Variants in EFCAB5 observed in about 807,000 individuals in gnomAD.
EFCAB5 encodes EF-hand calcium-binding domain-containing protein 5.
Under a neutral mutation model 167.9 loss-of-function variants are expected in EFCAB5, and 131 were observed. That is an observed-to-expected ratio of 0.78 (90% CI 0.68 to 0.90). EFCAB5 has a LOEUF of 0.90. Ranked by LOEUF, EFCAB5 falls within the 40% of genes least tolerant of loss-of-function variation. EFCAB5 has a pLI of 0.00. For synonymous variants in EFCAB5, 574 were observed against 602.8 expected (o/e 0.95, Z 0.70); for missense variants, 1,663 against 1,745.2 (o/e 0.95, Z 0.84).
chr17:30,024,468 G>A (rs539552743), intron 7 of EFCAB5, among the ~76,000 whole-genome samples: 7 of 152,198 alleles, frequency 4.6e-5, no homozygotes, highest in East Asian at 1.9e-4. Flanking sequence ...TAGGAATCCA[G>A]CTTACAAGGG....
intron 20 of EFCAB5, 148 bp downstream of exon 20, chr17:30,090,822 TG>T (rs1313326742): frequency 1.8e-6 from 2 of 1,140,624 alleles, no homozygotes; most frequent in African/African-American, 3.1e-5. Context: ...TATGCAGTCT[TG>T]CGCTGACGAG....
intron 7 of EFCAB5, among the ~76,000 whole-genome samples, chr17:30,030,109 C>CT (rs899554282): frequency 1.3e-5 from 2 of 152,136 alleles, no homozygotes; most frequent in Non-Finnish European, 2.9e-5. Flanking sequence ...CGATTTTCAC[C>CT]TTTTTCTGTT....
At chr17:29,956,865 CT>C (rs1387701587) in intron 3 of EFCAB5, among the ~76,000 whole-genome samples, 2 of 151,850 alleles carry the variant, frequency 1.3e-5, no homozygotes, top group African/African-American at 4.8e-5. Context: ...GAGAGGTGGG[CT>C]GGGGAGAGAG....
intron 7 of EFCAB5, among the ~76,000 whole-genome samples, chr17:30,003,193 G>A (rs1238341763): frequency 6.6e-6 from 1 of 151,318 alleles, no homozygotes; most frequent in Non-Finnish European, 1.5e-5. Context: ...TTTCCACACT[G>A]ATGCTAAGCC....
intron 7 of EFCAB5, among the ~76,000 whole-genome samples, chr17:30,002,572 C>T (rs2068685160): frequency 6.6e-6 from 1 of 152,200 alleles, no homozygotes; most frequent in African/African-American, 2.4e-5. Flanking sequence ...GGCACTGTTA[C>T]ACTTTGCTTC....
At position 30,054,115 on chromosome 17, in the gene EFCAB5, G is replaced by T; in HGVS notation, c.2161G>T (p.Val721Phe). The stretch of plus-strand genomic sequence containing the variant: ...CCTGAGTTCTGAACTGCAAGAGGAA[G>T]TTCCAACCTTAAGCAGAAAAGATCA... The part of the protein sequence containing the change: ...IFLSSELQEE[V>F]PTLSRKDHFP... Residue 721 changes from valine (V) to phenylalanine (F), a missense_variant, in exon 10 of 23, where the codon GTT becomes TTT. Transcript: ENST00000394835. 6.4e-7 allele frequency: 1 copy of T among 1,570,590 alleles called. No homozygotes were observed. Among genetic ancestry groups the T allele is most frequent in the Non-Finnish European group, 8.6e-7 (1 of 1,159,028 alleles).
At chr17:30,085,731 A>G (rs868851410) in intron 18 of EFCAB5, among the ~76,000 whole-genome samples, 5 of 152,186 alleles carry the variant, frequency 3.3e-5, no homozygotes, top group African/African-American at 7.2e-5. Context: ...AAAAAAAAAA[A>G]AAAAAAAGAA....
At chr17:29,975,094 C>G (rs1468289509) in intron 4 of EFCAB5, among the ~76,000 whole-genome samples, 2 of 151,772 alleles carry the variant, frequency 1.3e-5, no homozygotes, top group Non-Finnish European at 2.9e-5. Flanking sequence ...AATATAACAA[C>G]CCCTCAGCTT....
intron 14 of EFCAB5, chr17:30,068,796 G>T (rs899624320): frequency 2.9e-6 from 4 of 1,359,892 alleles, no homozygotes; most frequent in Admixed American, 3.4e-5. Flanking sequence ...CCCGCGAAAT[G>T]ATTTCTCACA....
intron 7 of EFCAB5, among the ~76,000 whole-genome samples, chr17:30,013,181 A>G (rs1239800961): frequency 6.6e-6 from 1 of 151,826 alleles, no homozygotes; most frequent in Non-Finnish European, 1.5e-5. Flanking sequence ...AAGCTTTTTG[A>G]TGTGCTGCTG....
At chr17:30,063,065 C>A (rs1013844198) in intron 14 of EFCAB5, among the ~76,000 whole-genome samples, 1 of 152,170 alleles carries the variant, frequency 6.6e-6, no homozygotes, top group African/African-American at 2.4e-5. Flanking sequence ...CCCAAGGAAA[C>A]AGAGCATTGG....
intron 7 of EFCAB5, among the ~76,000 whole-genome samples, chr17:30,024,747 CA>C (rs1226147741): frequency 6.6e-6 from 1 of 152,072 alleles, no homozygotes; most frequent in African/African-American, 2.4e-5. Flanking sequence ...GCCAAAAGAA[CA>C]AAGCTGGAGG....
intron 22 of EFCAB5, among the ~76,000 whole-genome samples, chr17:30,095,151 G>C (rs996107690): frequency 3.3e-5 from 5 of 152,194 alleles, no homozygotes; most frequent in African/African-American, 1.2e-4. Flanking sequence ...AGACCCAGAG[G>C]CAAGAAGAGC....
intron 1 of EFCAB5, 137 bp from the exon 2 acceptor site, chr17:29,942,103 G>A (rs2067306722): frequency 1.3e-6 from 1 of 793,486 alleles, no homozygotes; most frequent in East Asian, 2.7e-5. Context: ...ACTACTTTGT[G>A]TAATTTTATT....
chr17:30,082,153 G>A (rs996331303), intron 17 of EFCAB5, among the ~76,000 whole-genome samples: 4 of 152,072 alleles, frequency 2.6e-5, no homozygotes, highest in Non-Finnish European at 2.9e-5. Context: ...CTATACTGTC[G>A]ATCTGATGAT....
intron 7 of EFCAB5, among the ~76,000 whole-genome samples, chr17:30,010,514 T>C (rs899860596): frequency 2.0e-5 from 3 of 152,226 alleles, no homozygotes; most frequent in Non-Finnish European, 2.9e-5. Context: ...TGGTGTGAGA[T>C]GGTATCTCAT....
chr17:30,087,260 C>A, intron 19 of EFCAB5, 94 bp downstream of exon 19: 1 of 930,652 alleles, frequency 1.1e-6, no homozygotes. Context: ...CTTGCTCATA[C>A]ACGCTGACTT....
intron 14 of EFCAB5, among the ~76,000 whole-genome samples, chr17:30,070,993 G>A (rs1045705695): frequency 4.2e-5 from 6 of 144,298 alleles, no homozygotes; most frequent in African/African-American, 1.3e-4. Flanking sequence ...ATTTAAAATG[G>A]ATCAAAGACT....
At chr17:29,983,378 T>C (rs1301221617) in intron 4 of EFCAB5, among the ~76,000 whole-genome samples, 1 of 152,216 alleles carries the variant, frequency 6.6e-6, no homozygotes, top group East Asian at 1.9e-4. Context: ...TTTTCAACTT[T>C]CTGCTTACAT....
Sources: gnomAD v4.1 joint callset for allele counts (sites outside exome capture counted in the v4.1 genomes callset) on GRCh38, gnomAD v4.1.1 for gene constraint, MANE v1.5 for transcripts, NCBI Gene and HGNC (gene_info 2026-07-23, HGNC 2026-07-21) for gene names.